KDM5B: variants seen among roughly 807,000 people sequenced by gnomAD.
KDM5B encodes the protein lysine demethylase 5B.
Under a neutral mutation model 193.4 loss-of-function variants are expected in KDM5B, and 144 were observed. The observed-to-expected ratio is 0.74, with a 90% CI of 0.65 to 0.86. The LOEUF is 0.86. Among genes scored for constraint, KDM5B ranks in the 40% least tolerant of loss-of-function variants. The pLI is 0.00. For synonymous variants in KDM5B, 668 were observed against 682.6 expected (o/e 0.98, Z 0.33); for missense variants, 1,833 against 1,886.9 (o/e 0.97, Z 0.53).
chr1:202,779,666 G>A (rs1049330850), intron 1 of KDM5B, among the ~76,000 whole-genome samples: 3 of 151,860 alleles, frequency 2.0e-5, no homozygotes, highest in East Asian at 1.9e-4. Context: ...AGCCGGGTGT[G>A]GTGACACATG....
In KDM5B at chr1:202,738,592, T is replaced by C. The variant is rs114356049; in HGVS notation, c.3084+2082A>G. On this transcript the variant is annotated intron_variant, in intron 20 of 26. Transcript: ENST00000367265. The stretch of plus-strand genomic sequence containing the variant: ...CCTGTTTGGTATTTCTTGTTAGCAA[T>C]TAGCCAATTAACACCACTTAAAATT... Among the ~76,000 whole-genome samples the C allele has an allele frequency of 2.2e-3, 329 of 152,362 alleles. 1 individual carries two copies. Among genetic ancestry groups the C allele is most frequent in the Non-Finnish European group, 3.4e-3 (229 of 68,014 alleles).
At chr1:202,799,515 TG>T in intron 1 of KDM5B, among the ~76,000 whole-genome samples, 1 of 151,932 alleles carries the variant, frequency 6.6e-6, no homozygotes, top group Non-Finnish European at 1.5e-5. Flanking sequence ...TAGCCGGGTG[TG>T]GTGGCAGGTG....
chr1:202,785,869 A>ACTTCATTC (rs530767043), intron 1 of KDM5B, among the ~76,000 whole-genome samples: 132 of 151,462 alleles, frequency 8.7e-4, no homozygotes, highest in Non-Finnish European at 1.7e-3. Context: ...AGATTGCACC[A>ACTTCATTC]CTTCATTCCA....
chr1:202,733,468 C>T lies in KDM5B; in HGVS notation c.3842G>A (p.Arg1281Gln), dbSNP rs756875507. ...GCTATATAACAGTCCTGAGCCCACT[C>T]GATCTTGCACAAATTTAAGATTCCC... ...SSGNLKFVQD[R>Q]VGSGLLYSRW... is the part of the protein sequence containing the mutation. The change falls in exon 23 of 27, where the codon CGA (arginine) becomes CAA (glutamine). Residue 1281 changes from arginine to glutamine, a missense_variant. This residue lies in a region of KDM5B where 1,379 missense variants were observed against 1,349.6 expected (regional missense o/e 1.02). Transcript: ENST00000367265. 1.9e-5 allele frequency: 31 copies of T among 1,614,008 alleles called. 1 individual carries two copies. The highest frequency in any genetic ancestry group is 1.9e-4 in the South Asian group (17 of 91,082).
intron 1 of KDM5B, among the ~76,000 whole-genome samples, chr1:202,802,624 C>G (rs1419051433): frequency 1.3e-5 from 2 of 152,064 alleles, no homozygotes; most frequent in Non-Finnish European, 2.9e-5. Context: ...AACTCCTGAC[C>G]TCAAGCGATC....
intron 13 of KDM5B, 100 bp downstream of exon 13, chr1:202,750,559 G>C: frequency 7.7e-7 from 1 of 1,300,510 alleles, no homozygotes. Context: ...ATAGGCATGA[G>C]CTACCGCACC....
intron 11 of KDM5B, among the ~76,000 whole-genome samples, 166 bp from the exon 12 acceptor site, chr1:202,753,233 C>T (rs1255592582): frequency 2.0e-5 from 3 of 152,188 alleles, no homozygotes; most frequent in Non-Finnish European, 4.4e-5. Flanking sequence ...TGCTGTGGCT[C>T]ACGTCTGTAA....
In KDM5B at chr1:202,762,798, C is replaced by G; in HGVS notation, c.819G>C (p.Met273Ile). 1 of 1,594,726 alleles carries G rather than the reference C, an allele frequency of 6.3e-7. No individual in the cohort carries two copies. Among genetic ancestry groups the G allele is most frequent in the Admixed American group, 1.7e-5 (1 of 59,960 alleles). ...PTPKCENEKE[M>I]KSSIKQEPIE... ...TAGGTTCTTGCTTGATGCTACTCTTCATTTCTTTCTCTGTAGGAGGCAATC... is the reference window on the plus strand; with the variant it reads ...TAGGTTCTTGCTTGATGCTACTCTTGATTTCTTTCTCTGTAGGAGGCAATC... The change falls in exon 7 of 27, where the codon ATG (methionine) becomes ATC (isoleucine). Residue 273 changes from methionine to isoleucine, a missense_variant. Coordinates refer to ENST00000367265, the MANE Select transcript of KDM5B (RefSeq NM_006618.5).
At chr1:202,796,341 T>A in intron 1 of KDM5B, 1 of 361,656 alleles carries the variant, frequency 2.8e-6, no homozygotes, top group Admixed American at 3.5e-5. Flanking sequence ...GCACCTTGGA[T>A]GCCTCTGTGA....
rs543725688 is a variant in KDM5B, at chr1:202,767,698, C to A, written c.577-638G>T. On this transcript the variant is annotated intron_variant, in intron 4 of 26. Transcript: ENST00000367265. ...TACATACATCTATACAGGTTTAAAA[C>A]ATTAAAAAAAATTTTAACAGGTGGT... Among the ~76,000 whole-genome samples, 5 of 152,002 alleles carry A rather than the reference C, an allele frequency of 3.3e-5. No homozygotes were observed. The East Asian group carries it at 9.7e-4, about 29-fold the overall frequency.
In KDM5B at chr1:202,728,845, G is replaced by A. The variant is rs1239372773; in HGVS notation, c.*191C>T. On this transcript the variant is annotated 3_prime_UTR_variant, in exon 27 of 27. Transcript: ENST00000367265. ...CTCTTAAGGAAAAAATACAAAAAGT[G>A]TCAAAAATTTTTTTAGTTGTTTTTT... 1 of 621,722 alleles carries A rather than the reference G, an allele frequency of 1.6e-6. No homozygotes were observed. Among genetic ancestry groups the A allele is most frequent in the Non-Finnish European group, 2.6e-6 (1 of 380,290 alleles). The allele number at this position is 621,722 out of a possible 1,614,324, so 38.5% of individuals were successfully genotyped here. A position where few individuals can be genotyped will look rare whatever the true frequency, so the allele number is the denominator to read the frequency against.
Position 202,726,949 on chromosome 1 carries a change from AGTGGTT to A in KDM5B, c.*2081_*2086del, listed in dbSNP as rs1287169460. On this transcript the variant is annotated 3_prime_UTR_variant, in exon 27 of 27. Transcript: ENST00000367265. ...CAGCATCATCACACATAAAATGATC[AGTGGTT>A]CTCATCCAGGGAGGGAGTGGTTCAA... 2 of 152,254 alleles carry A rather than the reference AGTGGTT, an allele frequency of 1.3e-5. No homozygotes were observed. Among genetic ancestry groups the A allele is most frequent in the Non-Finnish European group, 2.9e-5 (2 of 68,058 alleles). The allele number at this position is 152,254 out of a possible 1,614,324, so 9.4% of individuals were successfully genotyped here.
intron 11 of KDM5B, among the ~76,000 whole-genome samples, 163 bp downstream of exon 11, chr1:202,755,108 T>A (rs1655955238): frequency 6.6e-6 from 1 of 152,248 alleles, no homozygotes; most frequent in Non-Finnish European, 1.5e-5. Context: ...TAAGAACCAC[T>A]GTCTTAACTT....
chr1:202,805,562 A>G (rs1278279823), intron 1 of KDM5B, among the ~76,000 whole-genome samples: 2 of 152,218 alleles, frequency 1.3e-5, no homozygotes, highest in African/African-American at 4.8e-5. Context: ...CCCTTCTAAT[A>G]TAACCATTTG....
At position 202,741,575 on chromosome 1, in the gene KDM5B, G is replaced by A. The variant is rs1370386391; in HGVS notation, c.2737C>T (p.Arg913Cys). 9 of 1,614,224 alleles carry A rather than the reference G, an allele frequency of 5.6e-6. No homozygotes were observed. Among genetic ancestry groups the A allele is most frequent in the East Asian group, 2.2e-5 (1 of 44,892 alleles). The change falls in exon 19 of 27, where the codon CGT (arginine) becomes TGT (cysteine). Residue 913 changes from arginine to cysteine, a missense_variant. This residue lies in a region of KDM5B where 1,379 missense variants were observed against 1,349.6 expected (regional missense o/e 1.02). Transcript: ENST00000367265. ...TCTAGCCAACGGGCTTGTTCCAAAC[G>A]GATACGCATCTCAGCAAGCTGTGGA... ...ELPQLAEMRI[R>C]LEQARWLEEV...
chr1:202,771,306 A>T (rs1656705480), intron 4 of KDM5B, among the ~76,000 whole-genome samples: 1 of 151,778 alleles, frequency 6.6e-6, no homozygotes, highest in South Asian at 2.1e-4. Context: ...ATCTCGGCTC[A>T]TTGCAACCTC....
chr1:202,774,491 G>A, intron 3 of KDM5B, 122 bp downstream of exon 3: 2 of 820,164 alleles, frequency 2.4e-6, no homozygotes, highest in South Asian at 1.7e-5. Flanking sequence ...ACCTCCCAAA[G>A]TGCTGAGATT....
At chr1:202,764,636 AAAAC>A (rs964106670) in intron 5 of KDM5B, among the ~76,000 whole-genome samples, 24 of 152,204 alleles carry the variant, frequency 1.6e-4, no homozygotes, top group South Asian at 6.2e-4. Flanking sequence ...CTCTATCTCA[AAAAC>A]AAACAAACAA....
intron 1 of KDM5B, chr1:202,806,766 G>C (rs1265164878): frequency 6.6e-6 from 1 of 151,912 alleles, no homozygotes; most frequent in Non-Finnish European, 1.5e-5. Context: ...ATTACAAAAA[G>C]CAAGCTTAAG....
Sources: allele counts gnomAD v4.1 joint callset (sites outside exome capture counted in the v4.1 genomes callset), GRCh38; gene constraint gnomAD v4.1.1; regional missense constraint gnomAD v4.1.1; transcripts MANE v1.5; gene names NCBI Gene and HGNC (gene_info 2026-07-23, HGNC 2026-07-21).